Variants in NKAIN3 observed in about 807,000 individuals in gnomAD.
NKAIN3 encodes the protein sodium/potassium-transporting ATPase subunit beta-1-interacting protein 3.
In NKAIN3, 25 loss-of-function variants were observed where a neutral mutation model predicts 30.2. The observed-to-expected ratio is 0.83, with a 90% CI of 0.60 to 1.16. NKAIN3 has a LOEUF of 1.16. Ranked by LOEUF, NKAIN3 falls within the 50% of genes most tolerant of loss-of-function variation. The pLI is 0.00. For missense variants in NKAIN3, 225 were observed against 254.1 expected, an observed-to-expected ratio of 0.89 and a Z score of 0.78; for synonymous variants, 91 against 89.6, an observed-to-expected ratio of 1.02 and a Z score of -0.09.
intron 1 of NKAIN3, among the ~76,000 whole-genome samples, chr8:62,520,220 A>G (rs1160830955): frequency 6.6e-6 from 1 of 152,026 alleles, no homozygotes; most frequent in Non-Finnish European, 1.5e-5. Context: ...TTAAAATCCC[A>G]CAGTTCTGAC....
intron 4 of NKAIN3, among the ~76,000 whole-genome samples, chr8:62,853,928 C>A (rs1240537524): frequency 6.6e-6 from 1 of 152,240 alleles, no homozygotes; most frequent in South Asian, 2.1e-4. Flanking sequence ...CAAAGAACTT[C>A]TTGATTTCTG....
intron 5 of NKAIN3, among the ~76,000 whole-genome samples, chr8:62,930,306 T>G (rs1585588126): frequency 6.6e-6 from 1 of 151,940 alleles, no homozygotes; most frequent in South Asian, 2.1e-4. Context: ...CAGGCTGGAG[T>G]GTGATGGTGC....
chr8:62,306,901 G>A (rs1179975530), intron 1 of NKAIN3, among the ~76,000 whole-genome samples: 1 of 149,942 alleles, frequency 6.7e-6, no homozygotes, highest in African/African-American at 2.5e-5. Flanking sequence ...CTGCAGATGT[G>A]TCCATAGGGG....
intron 6 of NKAIN3, among the ~76,000 whole-genome samples, chr8:62,955,721 T>C (rs1212483874): frequency 2.0e-5 from 3 of 152,214 alleles, no homozygotes; most frequent in Non-Finnish European, 2.9e-5. Context: ...TTCTGTGGCA[T>C]GGCCCAGAGG....
At chr8:62,751,005 C>T (rs1351037474) in intron 4 of NKAIN3, among the ~76,000 whole-genome samples, 1 of 152,136 alleles carries the variant, frequency 6.6e-6, no homozygotes, top group East Asian at 1.9e-4. Context: ...GATCACAAAG[C>T]GCAAATCTTA....
At position 62,970,146 on chromosome 8, in the gene NKAIN3, G is replaced by T. The variant is rs1823801740; in HGVS notation, c.*4739G>T. Reference sequence around the variant, plus strand: ...GGACTGAGGGAAGGGAAGATTACTTGAGCCCAGGAATTAGAGGCTGCAGTG... The same window carrying T: ...GGACTGAGGGAAGGGAAGATTACTTTAGCCCAGGAATTAGAGGCTGCAGTG... On this transcript the variant is annotated 3_prime_UTR_variant, in exon 7 of 7. Coordinates refer to ENST00000623646, the MANE Select transcript of NKAIN3 (RefSeq NM_001304533.3). Among the ~76,000 whole-genome samples, 1 of 151,162 alleles carries T rather than the reference G, an allele frequency of 6.6e-6. No homozygotes were observed. The highest frequency in any genetic ancestry group is 6.6e-5 in the Admixed American group (1 of 15,126).
intron 1 of NKAIN3, among the ~76,000 whole-genome samples, chr8:62,470,223 G>A (rs75220845): frequency 5.7e-4 from 86 of 152,178 alleles, no homozygotes; most frequent in East Asian, 5.6e-3. Context: ...ATTTACTGTC[G>A]TCTATAGATG....
intron 1 of NKAIN3, among the ~76,000 whole-genome samples, chr8:62,373,200 A>C (rs1350437270): frequency 6.6e-6 from 1 of 152,166 alleles, no homozygotes; most frequent in Non-Finnish European, 1.5e-5. Context: ...GGATAAATAG[A>C]GGTTACTCTA....
intron 1 of NKAIN3, among the ~76,000 whole-genome samples, chr8:62,401,338 GTCA>G (rs60983455): frequency 0.14 from 20,782 of 151,770 alleles, 1,694 homozygotes; most frequent in East Asian, 0.4. Context: ...CCTTCTCTGT[GTCA>G]TCATGAATTT....
At chr8:62,338,515 T>G (rs1301890434) in intron 1 of NKAIN3, among the ~76,000 whole-genome samples, 1 of 151,994 alleles carries the variant, frequency 6.6e-6, no homozygotes, top group African/African-American at 2.4e-5. Flanking sequence ...GGATTAAACA[T>G]GAGCTGAAAT....
chr8:62,658,502 G>A (rs182695836), intron 3 of NKAIN3, among the ~76,000 whole-genome samples: 12 of 152,094 alleles, frequency 7.9e-5, no homozygotes, highest in African/African-American at 2.2e-4. Context: ...ATGTAAATGC[G>A]GTATACCCAT....
intron 3 of NKAIN3, among the ~76,000 whole-genome samples, chr8:62,630,622 T>G (rs76083311): frequency 0.02 from 3,082 of 152,250 alleles, 88 homozygotes; most frequent in African/African-American, 0.069. Flanking sequence ...CTACTCCAGT[T>G]CTTCCATCTT....
At chr8:62,568,049 T>C (rs1450701190) in intron 1 of NKAIN3, among the ~76,000 whole-genome samples, 1 of 152,208 alleles carries the variant, frequency 6.6e-6, no homozygotes, top group Non-Finnish European at 1.5e-5. Flanking sequence ...TTCTGAAAAG[T>C]GCAACTTTCC....
intron 1 of NKAIN3, among the ~76,000 whole-genome samples, chr8:62,385,684 A>G (rs1233159091): frequency 2.0e-5 from 3 of 152,130 alleles, no homozygotes; most frequent in Non-Finnish European, 2.9e-5. Flanking sequence ...TTGTCCATCT[A>G]TATAGTCAAA....
intron 1 of NKAIN3, among the ~76,000 whole-genome samples, chr8:62,454,282 A>G (rs1400262427): frequency 1.4e-5 from 2 of 144,324 alleles, no homozygotes; most frequent in Non-Finnish European, 3.0e-5. Flanking sequence ...ATACACCAAC[A>G]CTAACAATAG....
chr8:62,617,004 C>G (rs1424075276), intron 3 of NKAIN3, among the ~76,000 whole-genome samples: 1 of 152,144 alleles, frequency 6.6e-6, no homozygotes, highest in African/African-American at 2.4e-5. Context: ...ATTGGGAGAT[C>G]TGGTTGTTTA....
chr8:62,534,497 CA>C lies in NKAIN3; in HGVS notation c.55-45041del, dbSNP rs1330851940. Among the ~76,000 whole-genome samples, 5 of 152,022 alleles carry C rather than the reference CA, an allele frequency of 3.3e-5. No individual in the cohort carries two copies. In the East Asian group the frequency reaches 5.8e-4, roughly 18 times the overall value. ...AACATCATTAAATGTATTTTTTTCA[CA>C]CCCCCAAAACCAACATAAGATGAAT... On this transcript the variant is annotated intron_variant, in intron 1 of 6. Transcript: ENST00000623646.
intron 4 of NKAIN3, among the ~76,000 whole-genome samples, chr8:62,817,182 CT>C (rs1818710991): frequency 6.6e-6 from 1 of 152,046 alleles, no homozygotes; most frequent in Non-Finnish European, 1.5e-5. Flanking sequence ...TTGTTTTGAT[CT>C]TTTTTTGTGG....
Position 62,589,741 on chromosome 8 carries a change from A to G in NKAIN3, c.220A>G (p.Thr74Ala), listed in dbSNP as rs1371994487. The G allele has an allele frequency of 6.2e-7, 1 of 1,603,552 alleles. No homozygotes were observed. The highest frequency in any genetic ancestry group is 1.3e-5 in the African/African-American group (1 of 74,168). Residue 74 changes from threonine to alanine, a missense_variant, in exon 3 of 7, where the codon ACC (threonine) becomes GCC (alanine). Physicochemically the swap from Thr to Ala is moderately conservative, Grantham distance 58. Coordinates refer to ENST00000623646, the MANE Select transcript of NKAIN3 (RefSeq NM_001304533.3). Reference protein sequence around the residue: ...VYTVWTALWVTWNVFIICFYL... With the variant: ...VYTVWTALWVAWNVFIICFYL... ...TACAGTGTGGACTGCCCTCTGGGTC[A>G]CCTGGAATGTGTTCATTATCTGCTT...
Sources: allele counts gnomAD v4.1 joint callset (sites outside exome capture counted in the v4.1 genomes callset), GRCh38; gene constraint gnomAD v4.1.1; transcripts MANE v1.5; gene names NCBI Gene and HGNC (gene_info 2026-07-23, HGNC 2026-07-21).